The following IGF2R variants were observed in gnomAD, a reference collection of about 807,000 sequenced individuals.
The protein encoded by IGF2R is insulin like growth factor 2 receptor.
Under a neutral mutation model 270.6 loss-of-function variants are expected in IGF2R, and 91 were observed. The ratio of observed to expected loss-of-function variants is 0.34; its 90% CI spans 0.28 to 0.40. The LOEUF (loss-of-function observed/expected upper bound fraction) is 0.40, where lower values mean the gene tolerates loss of function less well. IGF2R is among the 10% of genes least tolerant of loss of function. The probability of loss-of-function intolerance (pLI) is 1.00; values close to 1 mark genes in which losing one functional copy is unlikely to be tolerated. For synonymous variants in IGF2R, 1,316 were observed against 1,258.9 expected (o/e 1.05, Z -0.96); for missense variants, 2,805 against 3,188.3 (o/e 0.88, Z 2.90).
chr6:160,065,814 G>GTGTGTGTGTGTGTGTATATA, intron 29 of IGF2R, among the ~76,000 whole-genome samples: 17 of 78,380 alleles, frequency 2.2e-4, no homozygotes, highest in African/African-American at 9.6e-4. Flanking sequence ...GTGTGTGTGT[G>GTGTGTGTGTGTGTGTATATA]TATATATATA....
chr6:160,029,885 A>G (rs1396136297), intron 7 of IGF2R, among the ~76,000 whole-genome samples: 1 of 152,164 alleles, frequency 6.6e-6, no homozygotes, highest in Admixed American at 6.5e-5. Context: ...TTTTACAGCA[A>G]TCCGGAGGGG....
chr6:160,070,297 C>T (rs1209574312), intron 31 of IGF2R, among the ~76,000 whole-genome samples: 2 of 152,226 alleles, frequency 1.3e-5, no homozygotes, highest in African/African-American at 4.8e-5. Context: ...TGGTTCTCTT[C>T]AGAGTTTGAC....
At chr6:160,062,238 A>G (rs145176490) in intron 25 of IGF2R, among the ~76,000 whole-genome samples, 1,605 of 143,838 alleles carry the variant, frequency 0.011, 34 homozygotes, top group African/African-American at 0.04. Flanking sequence ...CAGTGGTGCA[A>G]TCTTGGCTCA....
chr6:160,104,558 TG>T, intron 47 of IGF2R, 115 bp from the exon 48 acceptor site: 1 of 1,050,650 alleles, frequency 9.5e-7, no homozygotes, highest in Non-Finnish European at 1.4e-6. Flanking sequence ...GTGAGGACAG[TG>T]GGCCAGTTCT....
chr6:160,066,681 C>A (rs543371523), intron 29 of IGF2R, among the ~76,000 whole-genome samples: 63 of 152,258 alleles, frequency 4.1e-4, no homozygotes, highest in African/African-American at 1.5e-3. Flanking sequence ...CTCTAAACCT[C>A]TGTTTGTCAG....
At chr6:160,088,232 T>C in intron 42 of IGF2R, 85 bp downstream of exon 42, 2 of 901,214 alleles carry the variant, frequency 2.2e-6, no homozygotes, top group Non-Finnish European at 1.8e-6. Flanking sequence ...GGGCAGGTTT[T>C]GGCTGAGTCT....
intron 44 of IGF2R, chr6:160,093,313 G>A: frequency 4.2e-6 from 1 of 240,756 alleles, no homozygotes; most frequent in Non-Finnish European, 8.3e-6. Context: ...TCCGTATCCT[G>A]TCATTAGCCA....
chr6:160,073,349 G>C lies in IGF2R; in HGVS notation c.4827G>C (p.Val1609=). The C allele has an allele frequency of 6.2e-7, 1 of 1,614,260 alleles. No homozygotes were observed. Among genetic ancestry groups the C allele is most frequent in the Non-Finnish European group, 8.5e-7 (1 of 1,180,044 alleles). The change falls in exon 34 of 48, where the codon GTG becomes GTC. Residue 1609 remains valine (V), a synonymous_variant. Transcript: ENST00000356956. The part of the protein sequence containing the change: ...PSKSGLSYKS[V]ISFVCRPEAR... Reference sequence around the variant, plus strand: ...AATCCGGCCTGAGCTATAAGAGTGTGATCAGTTTCGTGTGCAGGCCTGAGG... The same window carrying C: ...AATCCGGCCTGAGCTATAAGAGTGTCATCAGTTTCGTGTGCAGGCCTGAGG...
In IGF2R at chr6:160,109,502, C is replaced by T. The variant is rs2114751875; in HGVS notation, c.*4418C>T. ...CATTTGAGACTAAGTTCCCTCCTAT[C>T]ACCAGACATTTCTACAAATGAGGAC... On this transcript the variant is annotated 3_prime_UTR_variant, in exon 48 of 48. Transcript: ENST00000356956. 1 of 152,336 alleles carries T rather than the reference C, an allele frequency of 6.6e-6. No individual in the cohort carries two copies. The highest frequency in any genetic ancestry group is 6.5e-5 in the Admixed American group (1 of 15,302). 9.4% of individuals were successfully genotyped at this position (152,336 alleles called of 1,614,324 possible).
Position 160,103,757 on chromosome 6 carries a change from T to C in IGF2R, c.7007T>C (p.Ile2336Thr), listed in dbSNP as rs1779547287. Residue 2336 changes from isoleucine (I) to threonine (T), a missense_variant, in exon 47 of 48, where the codon ATA becomes ACA. Around this residue, in one of 2 missense-constraint regions of IGF2R, gnomAD observed 1,851 missense variants for 2,207.2 expected, o/e 0.84. Transcript: ENST00000356956. ...CTTTTTTTTTATAGGGAAACAGTGATAAGTAAGCTGACCACTTGCTGTAGG... is the reference window on the plus strand; with the variant it reads ...CTTTTTTTTTATAGGGAAACAGTGACAAGTAAGCTGACCACTTGCTGTAGG... ...LYKKERRETVISKLTTCCRRS... is the reference protein window; with the variant it reads ...LYKKERRETVTSKLTTCCRRS... The C allele has an allele frequency of 1.2e-6, 2 of 1,609,266 alleles. No individual in the cohort carries two copies. The highest frequency in any genetic ancestry group is 1.3e-5 in the African/African-American group (1 of 74,756).
At chr6:160,104,030 C>T (rs1339586851) in intron 47 of IGF2R, among the ~76,000 whole-genome samples, 2 of 151,600 alleles carry the variant, frequency 1.3e-5, no homozygotes, top group African/African-American at 4.8e-5. Flanking sequence ...AACTGATTTC[C>T]TTGAAGTATT....
At chr6:160,054,940 G>T (rs773282117) in intron 19 of IGF2R, among the ~76,000 whole-genome samples, 11 of 152,108 alleles carry the variant, frequency 7.2e-5, no homozygotes, top group Non-Finnish European at 1.3e-4. Flanking sequence ...CCCAGTGGAC[G>T]CTGCGTCACT....
chr6:160,103,865 T>G (rs1350533982), intron 47 of IGF2R, 50 bp downstream of exon 47: 2 of 1,229,530 alleles, frequency 1.6e-6, no homozygotes, highest in South Asian at 1.2e-5. Flanking sequence ...CGGCCCCCTG[T>G]GCTGCGCTGT....
Position 160,089,948 on chromosome 6 carries a change from A to T in IGF2R, c.6500A>T (p.Asn2167Ile). 6.2e-7 allele frequency: 1 copy of T among 1,601,048 alleles called. No individual in the cohort carries two copies. The highest frequency in any genetic ancestry group is 8.5e-7 in the Non-Finnish European group (1 of 1,174,154). The change falls in exon 44 of 48, where the codon AAT becomes ATT. Residue 2167 changes from asparagine (N) to isoleucine (I), a missense_variant. By Grantham distance (149) the Asn-to-Ile change is moderately radical. Transcript: ENST00000356956. ...AGAGCCTCTGGGGACATGAGGACCA[A>T]TGGGGACAACTACCTGTATGAGATC... ...LFRASGDMRT[N>I]GDNYLYEIQL...
Position 160,027,171 on chromosome 6 carries a change from T to C in IGF2R, c.647-14T>C. ...TAACACCTAATCTGATTTAATGTAATACATGATTTTCAGACACACTACGAG... is the reference window on the plus strand; with the variant it reads ...TAACACCTAATCTGATTTAATGTAACACATGATTTTCAGACACACTACGAG... On this transcript the variant is annotated splice_polypyrimidine_tract_variant and intron_variant, in intron 5 of 47. Coordinates refer to ENST00000356956, the MANE Select transcript of IGF2R (RefSeq NM_000876.4). The C allele has an allele frequency of 1.2e-6, 2 of 1,614,116 alleles. No individual in the cohort carries two copies. Among genetic ancestry groups the C allele is most frequent in the Non-Finnish European group, 8.5e-7 (1 of 1,179,928 alleles).
intron 4 of IGF2R, among the ~76,000 whole-genome samples, chr6:160,013,208 G>T (rs1450269058): frequency 6.6e-6 from 1 of 152,046 alleles, no homozygotes; most frequent in Non-Finnish European, 1.5e-5. Context: ...AAAATAAAAT[G>T]AATAGCAACT....
At chr6:159,980,429 CAG>C (rs1240289559) in intron 1 of IGF2R, among the ~76,000 whole-genome samples, 1 of 152,146 alleles carries the variant, frequency 6.6e-6, no homozygotes, top group Non-Finnish European at 1.5e-5. Flanking sequence ...AATTTGTGAT[CAG>C]AGACAAGGTC....
intron 4 of IGF2R, among the ~76,000 whole-genome samples, chr6:160,013,111 G>A (rs2115209337): frequency 6.6e-6 from 1 of 152,014 alleles, no homozygotes; most frequent in South Asian, 2.1e-4. Flanking sequence ...GTTTTGTTTT[G>A]TTTTTGTTTT....
intron 1 of IGF2R, among the ~76,000 whole-genome samples, chr6:159,980,074 G>A (rs1332335164): frequency 3.3e-5 from 5 of 151,996 alleles, no homozygotes; most frequent in African/African-American, 9.7e-5. Flanking sequence ...CCAGCTACTC[G>A]GGAGGCTGTG....
Sources: gnomAD v4.1 joint callset for allele counts (sites outside exome capture counted in the v4.1 genomes callset) on GRCh38, gnomAD v4.1.1 for gene constraint, gnomAD v4.1.1 regional missense constraint, MANE v1.5 for transcripts, NCBI Gene and HGNC (gene_info 2026-07-23, HGNC 2026-07-21) for gene names.